Variants in TESK2 observed in about 807,000 individuals in gnomAD.
TESK2 encodes the protein testis associated actin remodelling kinase 2.
In TESK2, 39 loss-of-function variants were observed where a neutral mutation model predicts 57.1. That is an observed-to-expected ratio of 0.68 (90% CI 0.53 to 0.89). The LOEUF is 0.89. TESK2 is among the 40% of genes least tolerant of loss of function. TESK2 has a pLI of 0.00. For missense variants in TESK2, 646 were observed against 732.1 expected (o/e 0.88, Z 1.36); for synonymous variants, 249 against 267.9 (o/e 0.93, Z 0.69).
intron 3 of TESK2, chr1:45,413,912 C>CT: frequency 2.2e-6 from 1 of 450,990 alleles, no homozygotes; most frequent in Non-Finnish European, 4.4e-6. Flanking sequence ...TGAAAATAGA[C>CT]TAAGAGCCAT....
intron 2 of TESK2, among the ~76,000 whole-genome samples, chr1:45,441,563 G>A (rs897733574): frequency 3.3e-5 from 5 of 150,246 alleles, no homozygotes; most frequent in African/African-American, 7.4e-5. Context: ...CTGCCTCAGC[G>A]TCCCAAAGTG....
intron 2 of TESK2, among the ~76,000 whole-genome samples, chr1:45,443,625 C>T (rs1651534998): frequency 6.9e-6 from 1 of 145,588 alleles, no homozygotes; most frequent in Non-Finnish European, 1.5e-5. Flanking sequence ...TAAATCCACA[C>T]TCTAATTGTA....
At chr1:45,386,479 C>T (rs749718242) in intron 3 of TESK2, among the ~76,000 whole-genome samples, 5 of 151,548 alleles carry the variant, frequency 3.3e-5, no homozygotes, top group Non-Finnish European at 4.4e-5. Context: ...CCTGTGAAGC[C>T]CCCTGCTATC....
intron 3 of TESK2, among the ~76,000 whole-genome samples, chr1:45,390,346 C>T (rs1160219311): frequency 1.3e-5 from 2 of 152,002 alleles, no homozygotes; most frequent in African/African-American, 4.8e-5. Context: ...TGCCTGTGGT[C>T]CCAGCTACTC....
intron 1 of TESK2, among the ~76,000 whole-genome samples, chr1:45,480,913 G>A (rs777950444): frequency 5.3e-5 from 8 of 150,812 alleles, no homozygotes; most frequent in African/African-American, 7.3e-5. Flanking sequence ...ACTTGAACCC[G>A]GGAAATGGAG....
intron 4 of TESK2, chr1:45,385,409 A>G: frequency 5.4e-6 from 5 of 917,882 alleles, no homozygotes; most frequent in Non-Finnish European, 6.5e-6. Context: ...ACTGATTCCA[A>G]CAAGTAATAA....
At chr1:45,375,029 C>T (rs1466057988) in intron 4 of TESK2, among the ~76,000 whole-genome samples, 1 of 152,228 alleles carries the variant, frequency 6.6e-6, no homozygotes, top group Non-Finnish European at 1.5e-5. Flanking sequence ...TTAACTCTCA[C>T]CTTTTTTGCA....
chr1:45,479,006 G>A (rs1038692544), intron 1 of TESK2, among the ~76,000 whole-genome samples: 7 of 152,144 alleles, frequency 4.6e-5, no homozygotes, highest in Non-Finnish European at 1.0e-4. Context: ...TTACAGGGGT[G>A]AGCAACCATA....
At chr1:45,362,480 C>A (rs976493662) in intron 4 of TESK2, among the ~76,000 whole-genome samples, 4 of 152,130 alleles carry the variant, frequency 2.6e-5, no homozygotes, top group African/African-American at 9.7e-5. Context: ...CTATTCAGAA[C>A]AATAAGACAA....
At chr1:45,475,209 CTTTT>C (rs375872140) in intron 1 of TESK2, among the ~76,000 whole-genome samples, 3 of 113,162 alleles carry the variant, frequency 2.7e-5, no homozygotes, top group Non-Finnish European at 3.6e-5. Flanking sequence ...TTAGCCTGGC[CTTTT>C]TTTTTTTTTT....
chr1:45,442,269 G>T (rs1439252369), intron 2 of TESK2, among the ~76,000 whole-genome samples: 1 of 151,650 alleles, frequency 6.6e-6, no homozygotes, highest in Non-Finnish European at 1.5e-5. Context: ...GACTTTTATG[G>T]TATGTGAATT....
At chr1:45,485,559 C>T (rs1358369549) in intron 1 of TESK2, among the ~76,000 whole-genome samples, 3 of 148,834 alleles carry the variant, frequency 2.0e-5, no homozygotes, top group African/African-American at 7.4e-5. Context: ...CACTCTGTCG[C>T]CTAAACTGCA....
At chr1:45,388,781 C>T (rs996760286) in intron 3 of TESK2, among the ~76,000 whole-genome samples, 10 of 127,668 alleles carry the variant, frequency 7.8e-5, no homozygotes, top group African/African-American at 2.7e-4. Flanking sequence ...AGTGCAGTGG[C>T]GCAATCTCGG....
At chr1:45,352,510 A>C (rs1212895875) in intron 5 of TESK2, among the ~76,000 whole-genome samples, 1 of 152,180 alleles carries the variant, frequency 6.6e-6, no homozygotes, top group Non-Finnish European at 1.5e-5. Flanking sequence ...AGGGAATATG[A>C]TGAACTCTTA....
intron 1 of TESK2, among the ~76,000 whole-genome samples, chr1:45,465,084 A>T (rs1246026331): frequency 6.6e-6 from 1 of 152,124 alleles, no homozygotes; most frequent in Non-Finnish European, 1.5e-5. Context: ...TAAAAATACA[A>T]AACTTAGCCA....
chr1:45,426,076 G>A (rs745530471), intron 2 of TESK2, among the ~76,000 whole-genome samples: 4 of 151,948 alleles, frequency 2.6e-5, no homozygotes, highest in South Asian at 2.1e-4. Flanking sequence ...GCTTGAACCC[G>A]GGAGGCAGAG....
In TESK2 at chr1:45,372,671, G is replaced by A. The variant is rs534638250; in HGVS notation, c.393+13241C>T. ...AGGCAGGAGGACTGCTTGAGCCCAA[G>A]AATTTGCGGCTGTAATGCACTATGA... On this transcript the variant is annotated intron_variant, in intron 4 of 10. Coordinates refer to ENST00000372086, the MANE Select transcript of TESK2 (RefSeq NM_007170.3). 3.9e-5 allele frequency among the ~76,000 whole-genome samples: 6 copies of A among 152,008 alleles called. No individual in the cohort carries two copies. The East Asian group carries it at 1.2e-3, about 29-fold the overall frequency.
chr1:45,471,753 T>G (rs537407000), intron 1 of TESK2, among the ~76,000 whole-genome samples: 1 of 152,074 alleles, frequency 6.6e-6, no homozygotes, highest in East Asian at 1.9e-4. Flanking sequence ...ATTAAGGTAC[T>G]GGCAGTGAGG....
At chr1:45,369,129 G>GA (rs1648073131) in intron 4 of TESK2, among the ~76,000 whole-genome samples, 1 of 152,146 alleles carries the variant, frequency 6.6e-6, no homozygotes, top group Non-Finnish European at 1.5e-5. Context: ...CAAGCCTTGT[G>GA]ACCTAAAAGC....
Sources: gnomAD v4.1 joint callset for allele counts (sites outside exome capture counted in the v4.1 genomes callset) on GRCh38, gnomAD v4.1.1 for gene constraint, MANE v1.5 for transcripts, NCBI Gene and HGNC (gene_info 2026-07-23, HGNC 2026-07-21) for gene names.